The following FSTL5 variants were observed in gnomAD, a reference collection of about 807,000 sequenced individuals.
FSTL5 encodes follistatin-related protein 5.
Under a neutral mutation model 89.1 loss-of-function variants are expected in FSTL5, and 62 were observed. That is an observed-to-expected ratio of 0.70 (90% CI 0.57 to 0.86). The LOEUF (loss-of-function observed/expected upper bound fraction) is 0.86, where lower values mean the gene tolerates loss of function less well. FSTL5 is among the 40% of genes least tolerant of loss of function. The pLI is 0.00. For missense variants in FSTL5, 1,057 were observed against 1,001.6 expected (o/e 1.06, Z -0.75); for synonymous variants, 383 against 346.2 (o/e 1.11, Z -1.18).
chr4:161,830,362 A>G (rs1730806412), intron 4 of FSTL5, among the ~76,000 whole-genome samples: 1 of 152,080 alleles, frequency 6.6e-6, no homozygotes, highest in African/African-American at 2.4e-5. Context: ...AACAGTAAAC[A>G]TACGTATAAT....
intron 8 of FSTL5, among the ~76,000 whole-genome samples, chr4:161,570,171 T>A (rs928000261): frequency 6.6e-6 from 1 of 152,120 alleles, no homozygotes; most frequent in African/African-American, 2.4e-5. Flanking sequence ...GTGAAAAAAC[T>A]GTGCTGTGGA....
chr4:161,569,233 C>G (rs1343882135), intron 8 of FSTL5, among the ~76,000 whole-genome samples: 1 of 152,030 alleles, frequency 6.6e-6, no homozygotes, highest in Non-Finnish European at 1.5e-5. Flanking sequence ...CTTGGCCTCC[C>G]AAAGTGCTAG....
At position 161,734,596 on chromosome 4, in the gene FSTL5, A is replaced by G. The variant is rs145796414; in HGVS notation, c.727+24815T>C. ...GAATATACATTAATGTGTACCTCAA[A>G]TCAATGTGGTTGTTTTATTACCCAT... On this transcript the variant is annotated intron_variant, in intron 6 of 15. Transcript: ENST00000306100. 3.9e-3 allele frequency among the ~76,000 whole-genome samples: 601 copies of G among 152,322 alleles called. 5 individuals carry two copies. Among genetic ancestry groups the G allele is most frequent in the African/African-American group, 0.014 (574 of 41,574 alleles).
At chr4:161,399,114 A>G (rs1050816749) in intron 15 of FSTL5, among the ~76,000 whole-genome samples, 5 of 152,152 alleles carry the variant, frequency 3.3e-5, no homozygotes, top group Admixed American at 3.3e-4. Flanking sequence ...GCATGGACTG[A>G]AGAGATACAT....
At chr4:162,020,449 C>G (rs1468547983) in intron 3 of FSTL5, among the ~76,000 whole-genome samples, 1 of 152,002 alleles carries the variant, frequency 6.6e-6, no homozygotes, top group Non-Finnish European at 1.5e-5. Context: ...TTTAAGTTAG[C>G]AATTATTAAG....
intron 7 of FSTL5, among the ~76,000 whole-genome samples, chr4:161,590,734 G>C (rs1270163367): frequency 6.6e-6 from 1 of 152,148 alleles, no homozygotes; most frequent in African/African-American, 2.4e-5. Context: ...AAATAAAAAA[G>C]AGACAATTGC....
At chr4:161,514,873 T>G (rs1730763621) in intron 10 of FSTL5, among the ~76,000 whole-genome samples, 1 of 152,102 alleles carries the variant, frequency 6.6e-6, no homozygotes, top group Non-Finnish European at 1.5e-5. Context: ...ATTTTTCTTC[T>G]GTAAGAATAA....
intron 15 of FSTL5, among the ~76,000 whole-genome samples, chr4:161,443,529 C>T (rs1355094579): frequency 2.0e-5 from 3 of 151,962 alleles, no homozygotes; most frequent in African/African-American, 7.2e-5. Context: ...CAAAATAAGA[C>T]AAAATCTGTA....
intron 7 of FSTL5, among the ~76,000 whole-genome samples, chr4:161,632,433 T>TG (rs1410946620): frequency 6.6e-6 from 1 of 152,014 alleles, no homozygotes; most frequent in Non-Finnish European, 1.5e-5. Flanking sequence ...CAAGTTAACA[T>TG]GGGGGCAATA....
Position 161,540,193 on chromosome 4 carries a change from T to G in FSTL5, c.1178-1893A>C, listed in dbSNP as rs1417169814. On this transcript the variant is annotated intron_variant, in intron 9 of 15. Coordinates refer to ENST00000306100, the MANE Select transcript of FSTL5 (RefSeq NM_020116.5). The stretch of plus-strand genomic sequence containing the variant: ...GAATAAGCTAACCCATCTCTGCATC[T>G]GGTGTCCCTGCACCTAGTTCTTTGA... 2.0e-5 allele frequency among the ~76,000 whole-genome samples: 3 copies of G among 152,172 alleles called. No homozygotes were observed. The South Asian group carries it at 6.2e-4, about 31-fold the overall frequency.
chr4:161,927,286 C>A (rs1341174086), intron 3 of FSTL5, among the ~76,000 whole-genome samples: 1 of 151,488 alleles, frequency 6.6e-6, no homozygotes, highest in Non-Finnish European at 1.5e-5. Context: ...TTGGAATAAA[C>A]CCAACACTTA....
rs371269340 is a variant in FSTL5, at chr4:161,459,333, G to T, written c.1609-14C>A. On this transcript the variant is annotated splice_polypyrimidine_tract_variant and intron_variant, in intron 13 of 15. Coordinates refer to ENST00000306100, the MANE Select transcript of FSTL5 (RefSeq NM_020116.5). ...TGTGCTCACTGCCTACAATAAAGAA[G>T]AATTGAAAAAAATGTTTTAGACTAA... 7.5e-5 allele frequency: 116 copies of T among 1,546,894 alleles called. No homozygotes were observed. The highest frequency in any genetic ancestry group is 9.8e-5 in the Non-Finnish European group (110 of 1,126,354).
intron 4 of FSTL5, among the ~76,000 whole-genome samples, chr4:161,868,271 T>G (rs953012027): frequency 6.6e-6 from 1 of 152,168 alleles, no homozygotes; most frequent in African/African-American, 2.4e-5. Context: ...TCTTGAGCCT[T>G]TCCTCTTTTT....
chr4:161,386,542 G>C (rs1730653879), intron 15 of FSTL5, 93 bp from the exon 16 acceptor site: 3 of 805,920 alleles, frequency 3.7e-6, no homozygotes, highest in Admixed American at 2.9e-5. Flanking sequence ...TCCATCGCAG[G>C]CTCTAATTGT....
chr4:161,442,748 T>G (rs1732815299), intron 15 of FSTL5, among the ~76,000 whole-genome samples: 1 of 152,070 alleles, frequency 6.6e-6, no homozygotes, highest in Non-Finnish European at 1.5e-5. Flanking sequence ...TGTTAATCAC[T>G]CATTGTGTGC....
chr4:161,529,454 C>T (rs1199215812), intron 10 of FSTL5, among the ~76,000 whole-genome samples: 1 of 141,910 alleles, frequency 7.0e-6, no homozygotes, highest in Non-Finnish European at 1.5e-5. Flanking sequence ...ATAATAAATG[C>T]TTATCAAGCA....
intron 6 of FSTL5, among the ~76,000 whole-genome samples, chr4:161,749,556 G>A (rs1054265601): frequency 3.3e-5 from 5 of 152,224 alleles, no homozygotes; most frequent in East Asian, 1.9e-4. Context: ...CCAGCACTTC[G>A]GGAGGCTGAG....
intron 6 of FSTL5, among the ~76,000 whole-genome samples, chr4:161,664,215 C>A (rs1208896167): frequency 2.6e-5 from 4 of 152,232 alleles, no homozygotes; most frequent in Non-Finnish European, 5.9e-5. Context: ...ATGCAAATTT[C>A]TGCAGCTGGC....
chr4:161,426,901 C>T lies in FSTL5; in HGVS notation c.1841+28103G>A, dbSNP rs530875039. Among the ~76,000 whole-genome samples, 618 of 152,188 alleles carry T rather than the reference C, an allele frequency of 4.1e-3. 7 individuals are homozygous for T. Among genetic ancestry groups the T allele is most frequent in the South Asian group, 8.3e-3 (40 of 4,814 alleles). ...TTTTCTAAAATACACATATTTTTTA[C>T]CAAAGATCATTTAAATATAAATTAC... On this transcript the variant is annotated intron_variant, in intron 15 of 15. Transcript: ENST00000306100.
Sources: gnomAD v4.1 joint callset for allele counts (sites outside exome capture counted in the v4.1 genomes callset) on GRCh38, gnomAD v4.1.1 for gene constraint, MANE v1.5 for transcripts, NCBI Gene and HGNC (gene_info 2026-07-23, HGNC 2026-07-21) for gene names.